The following PCDHA11 variants were observed in gnomAD, a reference collection of about 807,000 sequenced individuals.
PCDHA11 encodes the protein protocadherin alpha 11, also known as protocadherin alpha-11.
Under a neutral mutation model 70.3 loss-of-function variants are expected in PCDHA11, and 61 were observed. The ratio of observed to expected loss-of-function variants is 0.87; its 90% CI spans 0.71 to 1.07. The LOEUF (loss-of-function observed/expected upper bound fraction) is 1.07. Among genes scored for constraint, PCDHA11 ranks in the 50% least tolerant of loss-of-function variants. The pLI is 0.00. For missense variants in PCDHA11, 1,324 were observed against 1,237.5 expected, an observed-to-expected ratio of 1.07 and a Z score of -1.05; for synonymous variants, 633 against 555.1, an observed-to-expected ratio of 1.14 and a Z score of -1.97.
Position 140,871,457 on chromosome 5 carries a change from G to A in PCDHA11, c.2354G>A (p.Gly785Glu), listed in dbSNP as rs1562665046. 8.1e-6 allele frequency: 13 copies of A among 1,605,570 alleles called. No individual in the cohort carries two copies. The highest frequency in any genetic ancestry group is 1.1e-5 in the Non-Finnish European group (13 of 1,175,480). The stretch of plus-strand genomic sequence containing the variant: ...CTAGGTCTGAATAAAGAGGAGGAAG[G>A]GGAAAGACAGGAGCCAGGGTCAAAT... ...LPLGLNKEEE[G>E]ERQEPGSNHP... Residue 785 changes from glycine (G) to glutamate (E), a missense_variant, in exon 1 of 4, where the codon GGG becomes GAG. Gly to Glu is a moderately conservative substitution (Grantham distance 98). Transcript: ENST00000398640.
chr5:140,885,861 A>G (rs1329895164), intron 1 of PCDHA11, among the ~76,000 whole-genome samples: 1 of 152,104 alleles, frequency 6.6e-6, no homozygotes, highest in African/African-American at 2.4e-5. Context: ...CTACTTTTCT[A>G]TTGAAAAAAA....
intron 1 of PCDHA11, among the ~76,000 whole-genome samples, chr5:140,917,083 T>C (rs2077876290): frequency 6.6e-6 from 1 of 152,078 alleles, no homozygotes; most frequent in South Asian, 2.1e-4. Flanking sequence ...TAATGTAAAG[T>C]TCCCCAGTTG....
At chr5:140,915,682 G>A (rs1239251164) in intron 1 of PCDHA11, among the ~76,000 whole-genome samples, 1 of 151,322 alleles carries the variant, frequency 6.6e-6, no homozygotes, top group Admixed American at 6.6e-5. Context: ...CTTGAACTAG[G>A]GGTATGGTGA....
rs782301019 is a variant in PCDHA11 at position 140,876,753 on chromosome 5, G to T, written c.2391+5259G>T. On this transcript the variant is annotated intron_variant, in intron 1 of 3. Coordinates refer to ENST00000398640, the MANE Select transcript of PCDHA11 (RefSeq NM_018902.5). ...CGGCCTATGAGCTGGTGGTGACTGC[G>T]CGGGATGGGGGCTCGCCTTCGCTGT... is the stretch of plus-strand genomic sequence containing the variant. 1.1e-5 allele frequency: 17 copies of T among 1,614,128 alleles called. No homozygotes were observed. In the Admixed American group the frequency reaches 2.8e-4, roughly 27 times the overall value.
rs372974792 is a variant in PCDHA11, at chr5:140,871,146, T to G, written c.2043T>G (p.Thr681=). ...AGGCGCCAAAGGCCTCTTCCCGGACTTTGGCGGGCGCCGCGAGCCCAGAGG... is the reference window on the plus strand; with the variant it reads ...AGGCGCCAAAGGCCTCTTCCCGGACGTTGGCGGGCGCCGCGAGCCCAGAGG... ...SGQAPKASSR[T]LAGAASPEAA... is the part of the protein sequence containing the mutation. The change falls in exon 1 of 4, where the codon ACT becomes ACG. Residue 681 remains threonine (T), a synonymous_variant. Coordinates refer to ENST00000398640, the MANE Select transcript of PCDHA11 (RefSeq NM_018902.5). 2 of 1,613,386 alleles carry G rather than the reference T, an allele frequency of 1.2e-6. No individual in the cohort carries two copies. The highest frequency in any genetic ancestry group is 2.7e-5 in the African/African-American group (2 of 75,054).
intron 1 of PCDHA11, among the ~76,000 whole-genome samples, chr5:140,958,077 A>C (rs2095408004): frequency 1.3e-5 from 2 of 152,124 alleles, no homozygotes; most frequent in African/African-American, 4.8e-5. Context: ...AGAAGCAAAA[A>C]GTAAAGTTGT....
intron 1 of PCDHA11, among the ~76,000 whole-genome samples, chr5:140,900,028 T>C (rs1554188848): frequency 1.3e-5 from 2 of 152,132 alleles, no homozygotes; most frequent in Admixed American, 1.3e-4. Flanking sequence ...CAGTTTGGCC[T>C]TGAATTCCTG....
intron 1 of PCDHA11, among the ~76,000 whole-genome samples, chr5:140,965,887 T>C (rs1357808186): frequency 6.6e-6 from 1 of 152,214 alleles, no homozygotes; most frequent in Non-Finnish European, 1.5e-5. Context: ...GAGAGCAGAA[T>C]TGAGTCTTGG....
intron 1 of PCDHA11, among the ~76,000 whole-genome samples, chr5:140,881,594 A>C (rs1464236535): frequency 6.6e-6 from 1 of 152,244 alleles, no homozygotes; most frequent in Non-Finnish European, 1.5e-5. Flanking sequence ...AGGGAAATTT[A>C]TTAATATGAT....
Position 140,993,509 on chromosome 5 carries a change from CGGGGAGAGAG to C in PCDHA11, c.2539+10947_2539+10956del, listed in dbSNP as rs2097568307. Among the ~76,000 whole-genome samples, 3 of 143,488 alleles carry C rather than the reference CGGGGAGAGAG, an allele frequency of 2.1e-5. No homozygotes were observed. In the Admixed American group the frequency reaches 2.1e-4, roughly 10 times the overall value. 94.1% of individuals were successfully genotyped at this position (143,488 alleles called of 152,430 possible). A position where few individuals can be genotyped will look rare whatever the true frequency, so the allele number is the denominator to read the frequency against. On this transcript the variant is annotated intron_variant, in intron 3 of 3. Coordinates refer to ENST00000398640, the MANE Select transcript of PCDHA11 (RefSeq NM_018902.5). Reference sequence around the variant, plus strand: ...ACACACACACACACACACACACACACGGGGAGAGAGAGACAGAGAGAGAGAGAGATAGAGA... The same window carrying C: ...ACACACACACACACACACACACACACAGACAGAGAGAGAGAGAGATAGAGA...
At chr5:140,988,348 A>T (rs2097293800) in intron 3 of PCDHA11, among the ~76,000 whole-genome samples, 1 of 152,116 alleles carries the variant, frequency 6.6e-6, no homozygotes, top group Admixed American at 6.6e-5. Flanking sequence ...TCCTTTTAAG[A>T]TGCACTTTTA....
chr5:140,871,674 A>G (rs1582053798), intron 1 of PCDHA11, 180 bp downstream of exon 1: 3 of 1,137,860 alleles, frequency 2.6e-6, no homozygotes, highest in Non-Finnish European at 3.6e-6. Context: ...TCTTTTAATC[A>G]TATGAATAAT....
At chr5:141,000,120 C>G (rs1554257146) in intron 3 of PCDHA11, among the ~76,000 whole-genome samples, 1 of 152,052 alleles carries the variant, frequency 6.6e-6, no homozygotes, top group African/African-American at 2.4e-5. Flanking sequence ...CCCTCATCCC[C>G]AAGGCTTCAC....
At chr5:140,971,110 G>A (rs2096457221) in intron 1 of PCDHA11, among the ~76,000 whole-genome samples, 1 of 152,172 alleles carries the variant, frequency 6.6e-6, no homozygotes, top group Admixed American at 6.5e-5. Flanking sequence ...CTTTGGGATT[G>A]GGGTGGGCTA....
At chr5:141,000,103 G>A (rs551643743) in intron 3 of PCDHA11, among the ~76,000 whole-genome samples, 15 of 152,186 alleles carry the variant, frequency 9.9e-5, no homozygotes, top group Admixed American at 5.2e-4. Context: ...GCTCAACTCC[G>A]TCTCTTCCCT....
At chr5:140,984,083 A>C (rs2097086103) in intron 3 of PCDHA11, among the ~76,000 whole-genome samples, 1 of 152,226 alleles carries the variant, frequency 6.6e-6, no homozygotes, top group South Asian at 2.1e-4. Context: ...GATGGAGTGA[A>C]GAAATGATGG....
intron 1 of PCDHA11, among the ~76,000 whole-genome samples, chr5:140,941,615 C>T (rs2093129027): frequency 6.6e-6 from 1 of 151,970 alleles, no homozygotes; most frequent in African/African-American, 2.4e-5. Context: ...GTGCCCAGCC[C>T]ATCCTGCTTC....
chr5:140,950,426 ACT>A (rs1554219446), intron 1 of PCDHA11, among the ~76,000 whole-genome samples: 5 of 151,872 alleles, frequency 3.3e-5, no homozygotes, highest in African/African-American at 1.2e-4. Flanking sequence ...ATTTTCTTCC[ACT>A]TAAAAAAAAT....
In PCDHA11 at chr5:140,928,891, T is replaced by A. The variant is rs1299939193; in HGVS notation, c.2392-50058T>A. On this transcript the variant is annotated intron_variant, in intron 1 of 3. Coordinates refer to ENST00000398640, the MANE Select transcript of PCDHA11 (RefSeq NM_018902.5). ...CTCTGTCCCTCAGTTACTTCCAGAC[T>A]TTGAAGATGTCTGGGAACCAGGAGG... 1.2e-6 allele frequency: 2 copies of A among 1,614,066 alleles called. No individual in the cohort carries two copies. The highest frequency in any genetic ancestry group is 2.7e-5 in the African/African-American group (2 of 74,942).
Sources: gnomAD v4.1 joint callset for allele counts (sites outside exome capture counted in the v4.1 genomes callset) on GRCh38, gnomAD v4.1.1 for gene constraint, MANE v1.5 for transcripts, NCBI Gene and HGNC (gene_info 2026-07-23, HGNC 2026-07-21) for gene names.